Variants in ZFYVE28 observed in about 807,000 individuals in gnomAD.
ZFYVE28 encodes lateral signaling target protein 2 homolog.
A neutral mutation model predicts 82.1 loss-of-function variants in ZFYVE28; 40 were observed. The observed-to-expected ratio is 0.49, with a 90% CI of 0.38 to 0.63. ZFYVE28 has a LOEUF of 0.63. Among genes scored for constraint, ZFYVE28 ranks in the 30% least tolerant of loss-of-function variants. The pLI is 0.00. For synonymous variants in ZFYVE28, 612 were observed against 546.1 expected (o/e 1.12, Z -1.68); for missense variants, 1,321 against 1,242.1 (o/e 1.06, Z -0.96).
chr4:2,307,276 T>G (rs1028322296), intron 7 of ZFYVE28, among the ~76,000 whole-genome samples: 3 of 152,228 alleles, frequency 2.0e-5, no homozygotes, highest in Non-Finnish European at 1.5e-5. Context: ...GATTGAGTTC[T>G]TTATATATTT....
At chr4:2,397,355 G>A (rs542741824) in intron 1 of ZFYVE28, among the ~76,000 whole-genome samples, 7 of 151,712 alleles carry the variant, frequency 4.6e-5, no homozygotes, top group Admixed American at 1.3e-4. Context: ...GCACGTGCCT[G>A]TAATCTCAGC....
In ZFYVE28 at chr4:2,341,630, A is replaced by T; in HGVS notation, c.181-15T>A. On this transcript the variant is annotated splice_polypyrimidine_tract_variant and intron_variant, in intron 2 of 12. Coordinates refer to ENST00000290974, the MANE Select transcript of ZFYVE28 (RefSeq NM_020972.3). The surrounding 1 kb of genome is among the most constrained non-coding windows in gnomAD (Gnocchi z 4.5). ...AACACATTGTCCTGAAACAGAAGAC[A>T]GGAGAAAGTGCGCCAATCGCTGTGT... 6.3e-7 allele frequency: 1 copy of T among 1,597,386 alleles called. No individual in the cohort carries two copies. The highest frequency in any genetic ancestry group is 8.6e-7 in the Non-Finnish European group (1 of 1,166,288).
rs757724925 is a variant in ZFYVE28, at chr4:2,335,659, C to T, written c.701+46G>A. Reference sequence around the variant, plus strand: ...GGGACCTGGCACCATCAGCCCTGCCCGTCCCGCAGGTTTCTGCAGAGGTCC... The same window carrying T: ...GGGACCTGGCACCATCAGCCCTGCCTGTCCCGCAGGTTTCTGCAGAGGTCC... On this transcript the variant is annotated intron_variant, in intron 6 of 12. Transcript: ENST00000290974. This position sits in a 1 kb window ranked among gnomAD's most constrained non-coding sequence, Gnocchi z 5.8. 2.1e-5 allele frequency: 32 copies of T among 1,531,290 alleles called. No individual in the cohort carries two copies. The highest frequency in any genetic ancestry group is 1.7e-4 in the Middle Eastern group (1 of 5,978). 94.9% of individuals were successfully genotyped at this position (1,531,290 alleles called of 1,614,324 possible).
chr4:2,410,245 C>T (rs772461235), intron 1 of ZFYVE28, among the ~76,000 whole-genome samples: 7 of 152,124 alleles, frequency 4.6e-5, no homozygotes, highest in Non-Finnish European at 1.0e-4. Context: ...AAACCCCATG[C>T]CCTTTAAATC....
rs1002007252 is a variant in ZFYVE28, at chr4:2,416,420, A to T, written c.39+1865T>A. ...GTGCCTTCAGCGACACCAGAATGTT[A>T]GTTAAGACCTAAGACACATTTCTCC... is the stretch of plus-strand genomic sequence containing the variant. On this transcript the variant is annotated intron_variant, in intron 1 of 12. Transcript: ENST00000290974. The surrounding 1 kb of genome is among the most constrained non-coding windows in gnomAD (Gnocchi z 4.6). Among the ~76,000 whole-genome samples, 2 of 152,228 alleles carry T rather than the reference A, an allele frequency of 1.3e-5. No homozygotes were observed. The highest frequency in any genetic ancestry group is 2.4e-5 in the African/African-American group (1 of 41,462).
At position 2,316,905 on chromosome 4, in the gene ZFYVE28, G is replaced by GA. The variant is rs1351567284; in HGVS notation, c.803+3264dup. ...GATGGGGTTTCACTGTGTTAGCCAGGATGGTCTCGATCTCCTGACCTTGTG... is the reference window on the plus strand; with the variant it reads ...GATGGGGTTTCACTGTGTTAGCCAGGAATGGTCTCGATCTCCTGACCTTGTG... On this transcript the variant is annotated intron_variant, in intron 7 of 12. Coordinates refer to ENST00000290974, the MANE Select transcript of ZFYVE28 (RefSeq NM_020972.3). 4.6e-5 allele frequency among the ~76,000 whole-genome samples: 7 copies of GA among 151,862 alleles called. No homozygotes were observed. In the East Asian group the frequency reaches 1.4e-3, roughly 29 times the overall value.
At chr4:2,386,328 T>C (rs1176197545) in intron 1 of ZFYVE28, among the ~76,000 whole-genome samples, 3 of 151,930 alleles carry the variant, frequency 2.0e-5, no homozygotes, top group Non-Finnish European at 4.4e-5. Flanking sequence ...CTACCAAAAA[T>C]ACAAAATTTA....
chr4:2,335,939 C>A lies in ZFYVE28; in HGVS notation c.612-145G>T. ...GTCAAGAGGTGACACATGCCACCCC[C>A]AGTCCTCATATGTGCAAGGGGCTGG... On this transcript the variant is annotated intron_variant, in intron 5 of 12. Coordinates refer to ENST00000290974, the MANE Select transcript of ZFYVE28 (RefSeq NM_020972.3). This position sits in a 1 kb window ranked among gnomAD's most constrained non-coding sequence, Gnocchi z 5.8. 1.5e-6 allele frequency: 1 copy of A among 666,964 alleles called. No homozygotes were observed. 41.3% of individuals were successfully genotyped at this position (666,964 alleles called of 1,614,324 possible).
chr4:2,284,833 G>A (rs761957871), intron 8 of ZFYVE28, among the ~76,000 whole-genome samples: 16 of 152,178 alleles, frequency 1.1e-4, no homozygotes, highest in Non-Finnish European at 1.6e-4. Flanking sequence ...AGGCCACAGC[G>A]GAAACCAACA....
Position 2,400,372 on chromosome 4 carries a change from G to A in ZFYVE28, c.39+17913C>T, listed in dbSNP as rs545977618. On this transcript the variant is annotated intron_variant, in intron 1 of 12. Transcript: ENST00000290974. ...TTAAGTTAACTCTGTGACAGCACAC[G>A]CACAACACTGACCTCCTCACACATT... Among the ~76,000 whole-genome samples, 33 of 152,042 alleles carry A rather than the reference G, an allele frequency of 2.2e-4. 1 individual carries two copies. The highest frequency in any genetic ancestry group is 6.5e-4 in the Admixed American group (10 of 15,280).
intron 7 of ZFYVE28, among the ~76,000 whole-genome samples, chr4:2,308,671 A>AAGAAAGAAAGAT (rs1717002053): frequency 9.0e-6 from 1 of 111,226 alleles, no homozygotes; most frequent in South Asian, 2.9e-4. Flanking sequence ...GAAAGAAAGA[A>AAGAAAGAAAGAT]AGAAAGAGAA....
rs545364326 is a variant in ZFYVE28, at chr4:2,278,937, C to G, written c.2052-4721G>C. Among the ~76,000 whole-genome samples the G allele has an allele frequency of 2.3e-4, 35 of 150,218 alleles. No individual in the cohort carries two copies. The East Asian group carries it at 3.2e-3, about 14-fold the overall frequency. ...TAGGACGATTAGAATGTTCCCCCCC[C>G]CCTCAAAAAAAAAAAACCCAGAAAA... On this transcript the variant is annotated intron_variant, in intron 8 of 12. Transcript: ENST00000290974.
chr4:2,383,974 C>T (rs901289296), intron 1 of ZFYVE28, among the ~76,000 whole-genome samples: 6 of 152,186 alleles, frequency 3.9e-5, no homozygotes, highest in Admixed American at 3.3e-4. Flanking sequence ...CCCTGATGAC[C>T]TAAGATGTCC....
At chr4:2,283,852 G>A (rs1464593444) in intron 8 of ZFYVE28, among the ~76,000 whole-genome samples, 1 of 152,176 alleles carries the variant, frequency 6.6e-6, no homozygotes, top group Non-Finnish European at 1.5e-5. Flanking sequence ...CATGAGGACA[G>A]CTTGAATGAA....
Position 2,418,233 on chromosome 4 carries a change from G to A in ZFYVE28, c.39+52C>T. The stretch of plus-strand genomic sequence containing the variant: ...TGTAGGGCGGACGGGCGGTCCTGGG[G>A]AAGGGAGAGGCCGCGACGCGGGGGG... On this transcript the variant is annotated intron_variant, in intron 1 of 12. Transcript: ENST00000290974. The surrounding 1 kb of genome is among the most constrained non-coding windows in gnomAD (Gnocchi z 4.6). 7 of 1,518,366 alleles carry A rather than the reference G, an allele frequency of 4.6e-6. No individual in the cohort carries two copies. The highest frequency in any genetic ancestry group is 2.6e-5 in the East Asian group (1 of 38,050). 94.1% of individuals were successfully genotyped at this position (1,518,366 alleles called of 1,614,324 possible). A position where few individuals can be genotyped will look rare whatever the true frequency, so the allele number is the denominator to read the frequency against.
chr4:2,280,216 A>G lies in ZFYVE28; in HGVS notation c.2052-6000T>C, dbSNP rs150339325. ...TGAAATGAAAAATGTAGCATTTAAA[A>G]AATTAGAGGCGAGGTGTAGTGGCTC... is the stretch of plus-strand genomic sequence containing the variant. On this transcript the variant is annotated intron_variant, in intron 8 of 12. Transcript: ENST00000290974. Among the ~76,000 whole-genome samples the G allele has an allele frequency of 6.7e-4, 102 of 152,358 alleles. 1 individual carries two copies. In the East Asian group the frequency reaches 0.019, roughly 28 times the overall value.
At chr4:2,395,389 C>T (rs144223701) in intron 1 of ZFYVE28, among the ~76,000 whole-genome samples, 9 of 152,382 alleles carry the variant, frequency 5.9e-5, no homozygotes, top group East Asian at 5.8e-4. Flanking sequence ...CCTTTGCTTT[C>T]GCGCAGACAG....
intron 8 of ZFYVE28, among the ~76,000 whole-genome samples, chr4:2,279,802 C>T (rs576591343): frequency 2.6e-5 from 4 of 151,636 alleles, no homozygotes; most frequent in Admixed American, 2.0e-4. Context: ...AAATCACATA[C>T]TGTATGATTG....
chr4:2,289,379 G>A (rs910445185), intron 8 of ZFYVE28, among the ~76,000 whole-genome samples: 4 of 152,218 alleles, frequency 2.6e-5, no homozygotes, highest in Non-Finnish European at 5.9e-5. Flanking sequence ...GAGTAAGTGG[G>A]CACTCAGGTC....
Sources: allele counts gnomAD v4.1 joint callset (sites outside exome capture counted in the v4.1 genomes callset), GRCh38; gene constraint gnomAD v4.1.1; non-coding constraint Gnocchi (gnomAD v3.1); transcripts MANE v1.5; gene names NCBI Gene and HGNC (gene_info 2026-07-23, HGNC 2026-07-21).